The following SBK1 variants were observed in gnomAD, a reference collection of about 807,000 sequenced individuals.
SBK1 encodes serine/threonine-protein kinase SBK1.
Under a neutral mutation model 24.4 loss-of-function variants are expected in SBK1, and 11 were observed. The ratio of observed to expected loss-of-function variants is 0.45; its 90% confidence interval spans 0.28 to 0.75. SBK1 has a LOEUF of 0.75. Ranked by LOEUF, SBK1 falls within the 30% of genes least tolerant of loss-of-function variation. The probability of loss-of-function intolerance (pLI) is 0.12; values close to 1 mark genes in which losing one functional copy is unlikely to be tolerated. For missense variants in SBK1, 467 were observed against 620.5 expected (o/e 0.75, Z 2.63); for synonymous variants, 308 against 284.4 (o/e 1.08, Z -0.83).
At chr16:28,275,475 AGAAG>A (rs1172733445) in intron 1 of SBK1, among the ~76,000 whole-genome samples, 1 of 152,216 alleles carries the variant, frequency 6.6e-6, no homozygotes, top group Non-Finnish European at 1.5e-5. Context: ...CAGAGCAGAG[AGAAG>A]GAAGCCAGTT....
chr16:28,307,155 G>A (rs2044722471), intron 1 of SBK1, among the ~76,000 whole-genome samples: 2 of 152,160 alleles, frequency 1.3e-5, no homozygotes, highest in African/African-American at 4.8e-5. Flanking sequence ...GGTTGATGAT[G>A]CCAACGGGGA....
intron 1 of SBK1, among the ~76,000 whole-genome samples, chr16:28,282,843 G>GA (rs2141568911): frequency 6.6e-6 from 1 of 152,278 alleles, no homozygotes; most frequent in East Asian, 1.9e-4. Context: ...AGCATACCCT[G>GA]GGGTGCTGAG....
At chr16:28,274,356 G>A (rs1413914586) in intron 1 of SBK1, among the ~76,000 whole-genome samples, 2 of 151,890 alleles carry the variant, frequency 1.3e-5, no homozygotes, top group Non-Finnish European at 2.9e-5. Context: ...CAATTCAAAC[G>A]CGTTCTGCTC....
chr16:28,265,749 G>A (rs191615541), intron 1 of SBK1, among the ~76,000 whole-genome samples: 4 of 151,986 alleles, frequency 2.6e-5, no homozygotes, highest in Admixed American at 6.6e-5. Flanking sequence ...TGAAGCAGGC[G>A]GATCACTTGA....
chr16:28,320,000 A>AGGGAGCTGGAGGGGAGGGCGGCGGGGC lies in SBK1; in HGVS notation c.430-72_430-46dup. On this transcript the variant is annotated intron_variant, in intron 3 of 3. Coordinates refer to ENST00000341901, the MANE Select transcript of SBK1 (RefSeq NM_001024401.3). This position sits in a 1 kb window ranked among gnomAD's most constrained non-coding sequence, Gnocchi z 4.0. ...GGAGGCGAAAACCGCCTTGCTAGAG[A>AGGGAGCTGGAGGGGAGGGCGGCGGGGC]GGGAGCTGGAGGGGAGGGCGGCGGG... 1 of 1,374,396 alleles carries AGGGAGCTGGAGGGGAGGGCGGCGGGGC rather than the reference A, an allele frequency of 7.3e-7. No individual in the cohort carries two copies. Among genetic ancestry groups the AGGGAGCTGGAGGGGAGGGCGGCGGGGC allele is most frequent in the Non-Finnish European group, 9.4e-7 (1 of 1,058,638 alleles). The allele number at this position is 1,374,396 out of a possible 1,614,324, so 85.1% of individuals were successfully genotyped here. A position where few individuals can be genotyped will look rare whatever the true frequency, so the allele number is the denominator to read the frequency against.
At chr16:28,308,740 GGTGTGTGTGT>G (rs763015809) in intron 1 of SBK1, among the ~76,000 whole-genome samples, 29 of 130,606 alleles carry the variant, frequency 2.2e-4, no homozygotes, top group Middle Eastern at 8.3e-3. Context: ...CGTTCTTTGG[GGTGTGTGTGT>G]GTGTGTGTGT....
chr16:28,313,554 C>T (rs547530267), intron 1 of SBK1, among the ~76,000 whole-genome samples: 6 of 149,886 alleles, frequency 4.0e-5, no homozygotes, highest in Non-Finnish European at 5.9e-5. Context: ...ACTGAGATCA[C>T]GCCACTGCAC....
intron 1 of SBK1, among the ~76,000 whole-genome samples, chr16:28,268,819 C>A (rs149084179): frequency 6.6e-6 from 1 of 152,094 alleles, no homozygotes; most frequent in Non-Finnish European, 1.5e-5. Context: ...GTTGATCCAG[C>A]AGTCTTGGCC....
chr16:28,267,361 A>T (rs1043453769), intron 1 of SBK1, among the ~76,000 whole-genome samples: 4 of 152,206 alleles, frequency 2.6e-5, no homozygotes, highest in African/African-American at 9.6e-5. Context: ...TTCGTGGCGT[A>T]TCACTTTCTC....
At chr16:28,280,149 A>ATATGTGTGTGTG (rs1230385223) in intron 1 of SBK1, among the ~76,000 whole-genome samples, 13 of 39,416 alleles carry the variant, frequency 3.3e-4, no homozygotes, top group African/African-American at 1.1e-3. Context: ...ATATATATAT[A>ATATGTGTGTGTG]TGTGTGTGTG....
upstream of SBK1, chr16:28,292,492 G>T: frequency 1.0e-6 from 1 of 971,558 alleles, no homozygotes; most frequent in Non-Finnish European, 1.2e-6. Context: ...GGGCCGGGCG[G>T]GCAGGTGCGC....
At chr16:28,266,931 G>C (rs955005230) in intron 1 of SBK1, among the ~76,000 whole-genome samples, 1 of 151,534 alleles carries the variant, frequency 6.6e-6, no homozygotes, top group African/African-American at 2.4e-5. Flanking sequence ...TTTTCAGACA[G>C]AGTCTCACTC....
chr16:28,301,497 A>G (rs1396223418), intron 1 of SBK1, among the ~76,000 whole-genome samples: 1 of 152,242 alleles, frequency 6.6e-6, no homozygotes, highest in Non-Finnish European at 1.5e-5. Context: ...TGGGGAGGGC[A>G]GTGAGGAAGA....
intron 1 of SBK1, among the ~76,000 whole-genome samples, chr16:28,269,376 A>G (rs1384752375): frequency 3.3e-5 from 5 of 151,988 alleles, no homozygotes; most frequent in Non-Finnish European, 5.9e-5. Flanking sequence ...AGCCACCTCC[A>G]TGACTACTAC....
Position 28,293,077 on chromosome 16 carries a change from A to G in SBK1, c.-231A>G, listed in dbSNP as rs1226461923. 4 of 985,682 alleles carry G rather than the reference A, an allele frequency of 4.1e-6. No individual in the cohort carries two copies. The highest frequency in any genetic ancestry group is 4.8e-6 in the Non-Finnish European group (4 of 830,116). 61.1% of individuals were successfully genotyped at this position (985,682 alleles called of 1,614,324 possible). On this transcript the variant is annotated 5_prime_UTR_variant, in exon 1 of 4. Transcript: ENST00000341901. The stretch of plus-strand genomic sequence containing the variant: ...ATTCCCCCCAACTCCGGTACATAGA[A>G]ATCCCAAATCTAGGCAGCCGGGGAC...
rs1392532824 is a variant in SBK1, at chr16:28,321,143, C to T, written c.*222C>T. 2.9e-6 allele frequency: 1 copy of T among 350,286 alleles called. No homozygotes were observed. Among genetic ancestry groups the T allele is most frequent in the Non-Finnish European group, 5.1e-6 (1 of 194,922 alleles). 21.7% of individuals were successfully genotyped at this position (350,286 alleles called of 1,614,324 possible). ...TGAGCGGGGGCTTGGCCCAGAGGAG[C>T]CAAGCCGCACAGACCCGAGAATTCG... is the stretch of plus-strand genomic sequence containing the variant. On this transcript the variant is annotated 3_prime_UTR_variant, in exon 4 of 4. Transcript: ENST00000341901.
intron 1 of SBK1, among the ~76,000 whole-genome samples, chr16:28,301,512 C>A (rs1346798035): frequency 2.6e-5 from 4 of 152,226 alleles, no homozygotes; most frequent in Non-Finnish European, 4.4e-5. Flanking sequence ...GGAAGAATGT[C>A]CAAGTGTCTG....
chr16:28,278,237 G>C (rs2044507158), intron 1 of SBK1, among the ~76,000 whole-genome samples: 1 of 152,252 alleles, frequency 6.6e-6, no homozygotes, highest in Non-Finnish European at 1.5e-5. Context: ...CCGGGAGAGA[G>C]ACTGAGATCG....
chr16:28,283,844 A>C (rs2044548105), intron 1 of SBK1, among the ~76,000 whole-genome samples: 1 of 150,440 alleles, frequency 6.6e-6, no homozygotes, highest in African/African-American at 2.5e-5. Flanking sequence ...CCCCTTCCCC[A>C]CTCCGACCTG....
Sources: gnomAD v4.1 joint callset for allele counts (sites outside exome capture counted in the v4.1 genomes callset) on GRCh38, gnomAD v4.1.1 for gene constraint, Gnocchi (gnomAD v3.1) non-coding constraint, MANE v1.5 for transcripts, NCBI Gene and HGNC (gene_info 2026-07-23, HGNC 2026-07-21) for gene names.